Variants in KCNK13 observed in about 807,000 individuals in gnomAD.
KCNK13 encodes potassium channel subfamily K member 13.
KCNK13 carries 12 observed loss-of-function variants against 23.4 expected under a neutral mutation model. The ratio of observed to expected loss-of-function variants is 0.51; its 90% CI spans 0.33 to 0.83. The LOEUF is 0.83. KCNK13 is among the 40% of genes least tolerant of loss of function. The pLI, the probability that KCNK13 is intolerant of heterozygous loss-of-function variation, is 0.02. For missense variants in KCNK13, 463 were observed against 556.3 expected (o/e 0.83, Z 1.69); for synonymous variants, 231 against 229.5 (o/e 1.01, Z -0.06).
intron 1 of KCNK13, among the ~76,000 whole-genome samples, chr14:90,123,771 A>G (rs1283226772): frequency 6.6e-6 from 1 of 152,148 alleles, no homozygotes; most frequent in East Asian, 1.9e-4. Context: ...AGCTGGGACG[A>G]TAGCCATGCA....
intron 1 of KCNK13, among the ~76,000 whole-genome samples, chr14:90,110,373 G>A (rs184452288): frequency 4.0e-5 from 6 of 151,408 alleles, no homozygotes; most frequent in South Asian, 2.1e-4. Context: ...TTAGCAAGAC[G>A]TGGTGGCAGG....
intron 1 of KCNK13, among the ~76,000 whole-genome samples, chr14:90,164,173 C>G (rs1566649827): frequency 6.6e-6 from 1 of 152,218 alleles, no homozygotes; most frequent in Non-Finnish European, 1.5e-5. Flanking sequence ...TATTTTTGAA[C>G]TTTTCCTCTG....
chr14:90,077,169 G>T (rs902193550), intron 1 of KCNK13, among the ~76,000 whole-genome samples: 8 of 143,410 alleles, frequency 5.6e-5, no homozygotes, highest in African/African-American at 1.6e-4. Flanking sequence ...GCCCAGGCTG[G>T]AGTTCAATGG....
chr14:90,076,225 G>GGA (rs1456367486), intron 1 of KCNK13, among the ~76,000 whole-genome samples: 1 of 152,182 alleles, frequency 6.6e-6, no homozygotes, highest in Non-Finnish European at 1.5e-5. Context: ...CAATACCAAT[G>GGA]GTTTAAACAC....
intron 1 of KCNK13, among the ~76,000 whole-genome samples, chr14:90,082,233 T>C (rs1889222032): frequency 6.6e-6 from 1 of 151,944 alleles, no homozygotes; most frequent in African/African-American, 2.4e-5. Flanking sequence ...AGCTAATTTT[T>C]TTTTTTTTTT....
At chr14:90,103,923 G>A (rs956419575) in intron 1 of KCNK13, among the ~76,000 whole-genome samples, 7 of 152,090 alleles carry the variant, frequency 4.6e-5, no homozygotes, top group African/African-American at 1.7e-4. Flanking sequence ...ATCTCTAAGT[G>A]TATCTCCTAC....
In KCNK13 at chr14:90,184,970, C is replaced by A; in HGVS notation, c.1194C>A (p.Asn398Lys). The change falls in exon 2 of 2, where the codon AAC (asparagine) becomes AAA (lysine). Residue 398 changes from asparagine (N) to lysine (K), a missense_variant. Asn to Lys is a moderately conservative substitution (Grantham distance 94). Coordinates refer to ENST00000282146, the MANE Select transcript of KCNK13 (RefSeq NM_022054.4). This position sits in a 1 kb window ranked among gnomAD's most constrained non-coding sequence, Gnocchi z 5.6. ...GGGTGGGAGCCTTTGCAATCATGAA[C>A]AACAGGTTGGCAGAGACCAGTGGGG... ...SGGVGAFAIM[N>K]NRLAETSGDR is the part of the protein sequence containing the mutation. 1.2e-6 allele frequency: 2 copies of A among 1,606,404 alleles called. No individual in the cohort carries two copies. Among genetic ancestry groups the A allele is most frequent in the Non-Finnish European group, 1.7e-6 (2 of 1,175,802 alleles).
At chr14:90,152,544 A>G (rs1890145909) in intron 1 of KCNK13, among the ~76,000 whole-genome samples, 1 of 152,110 alleles carries the variant, frequency 6.6e-6, no homozygotes, top group Admixed American at 6.5e-5. Context: ...TCAAAAAAAA[A>G]AGAAGGGCAT....
chr14:90,064,379 G>A lies in KCNK13; in HGVS notation c.334+1840G>A, dbSNP rs547889391. Among the ~76,000 whole-genome samples, 28 of 152,242 alleles carry A rather than the reference G, an allele frequency of 1.8e-4. No homozygotes were observed. The South Asian group carries it at 5.6e-3, about 30-fold the overall frequency. ...GCAGGAAGGAGCAGAGTGTGTGTGTGGACAGGTGCATCCATGTAGCAGGAA... is the reference window on the plus strand; with the variant it reads ...GCAGGAAGGAGCAGAGTGTGTGTGTAGACAGGTGCATCCATGTAGCAGGAA... On this transcript the variant is annotated intron_variant, in intron 1 of 1. Coordinates refer to ENST00000282146, the MANE Select transcript of KCNK13 (RefSeq NM_022054.4).
intron 1 of KCNK13, among the ~76,000 whole-genome samples, chr14:90,139,674 G>A (rs968022090): frequency 3.9e-5 from 6 of 152,138 alleles, no homozygotes; most frequent in Non-Finnish European, 7.4e-5. Flanking sequence ...AGAAACATCC[G>A]ATAGGGGCTG....
intron 1 of KCNK13, among the ~76,000 whole-genome samples, chr14:90,180,935 C>T (rs1446095153): frequency 6.6e-6 from 1 of 152,162 alleles, no homozygotes; most frequent in African/African-American, 2.4e-5. Flanking sequence ...TGGCTCACTA[C>T]AACCTCCACC....
rs1489874321 is a variant in KCNK13 at position 90,126,432 on chromosome 14, TGTGACGTGATGTGAC to T, written c.335-57669_335-57655del. ...TTATGTTGATAGTGTATCCCCTTGATGTGACGTGATGTGACGTGACGTGACGTGACGTGACGTGAC... is the reference window on the plus strand; with the variant it reads ...TTATGTTGATAGTGTATCCCCTTGATGTGACGTGACGTGACGTGACGTGAC... On this transcript the variant is annotated intron_variant, in intron 1 of 1. Transcript: ENST00000282146. Among the ~76,000 whole-genome samples the T allele has an allele frequency of 8.5e-3, 846 of 99,132 alleles. 9 individuals are homozygous for T. The highest frequency in any genetic ancestry group is 0.027 in the African/African-American group (764 of 28,068). The allele number at this position is 99,132 out of a possible 152,430, so 65.0% of individuals were successfully genotyped here.
intron 1 of KCNK13, among the ~76,000 whole-genome samples, chr14:90,072,048 C>T (rs532538074): frequency 3.3e-5 from 5 of 152,152 alleles, no homozygotes; most frequent in Admixed American, 6.5e-5. Context: ...CTGCCGAGGA[C>T]GGTGGGGAAA....
chr14:90,132,906 C>T (rs1433570850), intron 1 of KCNK13, among the ~76,000 whole-genome samples: 2 of 152,208 alleles, frequency 1.3e-5, no homozygotes, highest in African/African-American at 4.8e-5. Flanking sequence ...CCTGCCACTT[C>T]ACCTTTCCTG....
chr14:90,109,001 C>A (rs1246811804), intron 1 of KCNK13, among the ~76,000 whole-genome samples: 1 of 151,860 alleles, frequency 6.6e-6, no homozygotes, highest in East Asian at 1.9e-4. Flanking sequence ...ACGGTGAAAC[C>A]CCGTCTCTAC....
intron 1 of KCNK13, among the ~76,000 whole-genome samples, chr14:90,143,680 A>T (rs989861277): frequency 6.6e-6 from 1 of 152,154 alleles, no homozygotes; most frequent in African/African-American, 2.4e-5. Context: ...AATCAAGCAG[A>T]TCCTAGAACT....
Position 90,066,826 on chromosome 14 carries a change from A to T in KCNK13, c.334+4287A>T, listed in dbSNP as rs566739291. Among the ~76,000 whole-genome samples the T allele has an allele frequency of 2.0e-5, 3 of 152,350 alleles. No homozygotes were observed. In the South Asian group the frequency reaches 6.2e-4, roughly 32 times the overall value. On this transcript the variant is annotated intron_variant, in intron 1 of 1. Transcript: ENST00000282146. ...TTTCTAGGTATATATCCAAAAAAAA[A>T]TCAAAAGTAGGGATTCAAACAGATA...
At chr14:90,087,069 A>T (rs1450933933) in intron 1 of KCNK13, among the ~76,000 whole-genome samples, 1 of 148,384 alleles carries the variant, frequency 6.7e-6, no homozygotes, top group Non-Finnish European at 1.5e-5. Flanking sequence ...CCTTAAAATC[A>T]TGGTGGTTAT....
At chr14:90,118,195 T>G (rs1282996379) in intron 1 of KCNK13, among the ~76,000 whole-genome samples, 1 of 152,204 alleles carries the variant, frequency 6.6e-6, no homozygotes, top group Non-Finnish European at 1.5e-5. Context: ...CCCATCATGC[T>G]TCTACATATG....
Sources: allele counts gnomAD v4.1 joint callset (sites outside exome capture counted in the v4.1 genomes callset), GRCh38; gene constraint gnomAD v4.1.1; non-coding constraint Gnocchi (gnomAD v3.1); transcripts MANE v1.5; gene names NCBI Gene and HGNC (gene_info 2026-07-23, HGNC 2026-07-21).